MET: variants seen among roughly 807,000 people sequenced by gnomAD.
MET encodes MET proto-oncogene, receptor tyrosine kinase.
Under a neutral mutation model 133.1 loss-of-function variants are expected in MET, and 48 were observed. The ratio of observed to expected loss-of-function variants is 0.36; its 90% CI spans 0.29 to 0.46. The LOEUF is 0.46. MET is among the 20% of genes least tolerant of loss of function. The probability of loss-of-function intolerance (pLI) is 1.00; values close to 1 mark genes in which losing one functional copy is unlikely to be tolerated. For synonymous variants in MET, 628 were observed against 616.5 expected (o/e 1.02, Z -0.28); for missense variants, 1,442 against 1,695.9 (o/e 0.85, Z 2.63).
At chr7:116,717,677 T>C (rs1340647558) in intron 2 of MET, among the ~76,000 whole-genome samples, 1 of 152,216 alleles carries the variant, frequency 6.6e-6, no homozygotes, top group East Asian at 1.9e-4. Context: ...TACAAGATAG[T>C]ACATTTTTAA....
chr7:116,694,518 G>A (rs1361918117), intron 1 of MET, among the ~76,000 whole-genome samples: 2 of 151,982 alleles, frequency 1.3e-5, no homozygotes, highest in African/African-American at 4.8e-5. Context: ...CTTCCCCACT[G>A]ATTTTCCATT....
chr7:116,719,963 G>T (rs2116705707), intron 2 of MET, among the ~76,000 whole-genome samples: 1 of 152,112 alleles, frequency 6.6e-6, no homozygotes, highest in South Asian at 2.1e-4. Context: ...GGATTGACTT[G>T]GCGATGCGGG....
Position 116,696,047 on chromosome 7 carries a change from G to T in MET, c.-14-3024G>T, listed in dbSNP as rs111616529. On this transcript the variant is annotated intron_variant, in intron 1 of 20. Coordinates refer to ENST00000397752, the MANE Select transcript of MET (RefSeq NM_000245.4). ...GTCACCACACCCAGCTAATTTTTTTGTAGTAGAGATGGGGGTTCACAGTGT... is the reference window on the plus strand; with the variant it reads ...GTCACCACACCCAGCTAATTTTTTTTTAGTAGAGATGGGGGTTCACAGTGT... 3.0e-3 allele frequency among the ~76,000 whole-genome samples: 451 copies of T among 152,000 alleles called. 3 individuals carry two copies. Among genetic ancestry groups the T allele is most frequent in the African/African-American group, 0.01 (433 of 41,464 alleles).
At chr7:116,721,373 CTCTTT>C in intron 2 of MET, among the ~76,000 whole-genome samples, 1 of 152,168 alleles carries the variant, frequency 6.6e-6, no homozygotes, top group Admixed American at 6.5e-5. Flanking sequence ...TGATTCTTCT[CTCTTT>C]TCTTCTTTAT....
intron 17 of MET, among the ~76,000 whole-genome samples, chr7:116,780,206 A>AC (rs745538300): frequency 1.3e-5 from 2 of 152,046 alleles, no homozygotes; most frequent in Non-Finnish European, 2.9e-5. Context: ...CCAGGCCAGG[A>AC]CCAGGGAGGG....
Position 116,759,509 on chromosome 7 carries a change from G to A in MET, c.2364+19G>A, listed in dbSNP as rs765711111. On this transcript the variant is annotated intron_variant, in intron 10 of 20. Transcript: ENST00000397752. ...TACAGTGGTAAGTCCTTTGAGCAAT[G>A]GTTCTACTCAGAGCTCTGCATCTTT... 6.2e-7 allele frequency: 1 copy of A among 1,609,108 alleles called. No individual in the cohort carries two copies. The highest frequency in any genetic ancestry group is 2.2e-5 in the East Asian group (1 of 44,792).
At position 116,740,034 on chromosome 7, in the gene MET, G is replaced by C. The variant is rs965319455; in HGVS notation, c.1477G>C (p.Glu493Gln). The part of the protein sequence containing the change: ...SHPVSPEVIV[E>Q]HTLNQNGYTL... ...TCCAGTGTCTCCAGAAGTGATTGTGGAGCATACATTAAACCAAAATGGCTA... is the reference window on the plus strand; with the variant it reads ...TCCAGTGTCTCCAGAAGTGATTGTGCAGCATACATTAAACCAAAATGGCTA... Residue 493 changes from glutamate to glutamine, a missense_variant, in exon 4 of 21, where the codon GAG becomes CAG. Physicochemically the swap from Glu to Gln is conservative, Grantham distance 29. Coordinates refer to ENST00000397752, the MANE Select transcript of MET (RefSeq NM_000245.4). The C allele has an allele frequency of 1.4e-5, 23 of 1,614,112 alleles. No homozygotes were observed. The Middle Eastern group carries it at 1.3e-3, about 93-fold the overall frequency.
In MET at chr7:116,699,364, G is replaced by A. The variant is rs899151863; in HGVS notation, c.280G>A (p.Asp94Asn). The change falls in exon 2 of 21, where the codon GAT (aspartate) becomes AAT (asparagine). Residue 94 changes from aspartate to asparagine, a missense_variant. Physicochemically the swap from Asp to Asn is conservative, Grantham distance 23 (BLOSUM62 1). Around this residue, in one of 6 missense-constraint regions of MET, gnomAD observed 762 missense variants for 792.4 expected, o/e 0.96. Transcript: ENST00000397752. Reference protein sequence around the residue: ...YKTGPVLEHPDCFPCQDCSSK... With the variant: ...YKTGPVLEHPNCFPCQDCSSK... ...GACTGGGCCTGTGCTGGAACACCCA[G>A]ATTGTTTCCCATGTCAGGACTGCAG... 1.2e-6 allele frequency: 2 copies of A among 1,614,032 alleles called. No homozygotes were observed. Among genetic ancestry groups the A allele is most frequent in the Non-Finnish European group, 1.7e-6 (2 of 1,179,954 alleles).
intron 2 of MET, among the ~76,000 whole-genome samples, chr7:116,709,603 G>A (rs182950182): frequency 7.6e-4 from 115 of 152,178 alleles, no homozygotes; most frequent in Non-Finnish European, 1.1e-3. Flanking sequence ...CAAGGGAATA[G>A]GAGGCTTCAG....
intron 1 of MET, among the ~76,000 whole-genome samples, chr7:116,683,093 T>A (rs1796421841): frequency 6.6e-6 from 1 of 152,206 alleles, no homozygotes; most frequent in Non-Finnish European, 1.5e-5. Flanking sequence ...AATTATATTT[T>A]AGGCTCAGTG....
intron 3 of MET, among the ~76,000 whole-genome samples, chr7:116,736,048 G>A (rs1562906302): frequency 2.0e-5 from 3 of 152,006 alleles, no homozygotes; most frequent in Admixed American, 2.0e-4. Flanking sequence ...AAAGTGCTGG[G>A]ATTACAGGTA....
At chr7:116,791,191 A>G (rs988237974) in intron 19 of MET, among the ~76,000 whole-genome samples, 18 of 152,186 alleles carry the variant, frequency 1.2e-4, no homozygotes, top group Admixed American at 5.9e-4. Flanking sequence ...CGTAATTTTT[A>G]TTTCTCTTGG....
intron 1 of MET, among the ~76,000 whole-genome samples, chr7:116,688,818 AG>A (rs1042512220): frequency 2.5e-4 from 38 of 152,220 alleles, no homozygotes; most frequent in Non-Finnish European, 1.0e-4. Context: ...TTATGCTAAC[AG>A]GCAGCCATTT....
At position 116,724,189 on chromosome 7, in the gene MET, G is replaced by A. The variant is rs528320542; in HGVS notation, c.1201-7479G>A. 8.2e-4 allele frequency: 137 copies of A among 166,582 alleles called. 1 individual carries two copies. Among genetic ancestry groups the A allele is most frequent in the African/African-American group, 2.7e-3 (113 of 41,754 alleles). The allele number at this position is 166,582 out of a possible 1,614,324, so 10.3% of individuals were successfully genotyped here. A position where few individuals can be genotyped will look rare whatever the true frequency, so the allele number is the denominator to read the frequency against. On this transcript the variant is annotated intron_variant, in intron 2 of 20. Coordinates refer to ENST00000397752, the MANE Select transcript of MET (RefSeq NM_000245.4). Reference sequence around the variant, plus strand: ...GGTGAGGGATATAATCTCGTGGTGCGCCGTTTTTTAAGCCGGTCCGAAAAG... The same window carrying A: ...GGTGAGGGATATAATCTCGTGGTGCACCGTTTTTTAAGCCGGTCCGAAAAG...
intron 1 of MET, among the ~76,000 whole-genome samples, chr7:116,694,307 A>G (rs956716543): frequency 2.6e-5 from 4 of 152,218 alleles, no homozygotes; most frequent in Admixed American, 6.5e-5. Flanking sequence ...CCTCTAGTTT[A>G]ATTAAAATTT....
chr7:116,746,337 G>A (rs1331010047), intron 5 of MET, among the ~76,000 whole-genome samples: 2 of 152,234 alleles, frequency 1.3e-5, no homozygotes, highest in Admixed American at 6.5e-5. Context: ...TGATGGGACT[G>A]TAAACTAGTT....
chr7:116,688,476 A>C (rs1222669382), intron 1 of MET, among the ~76,000 whole-genome samples: 1 of 152,222 alleles, frequency 6.6e-6, no homozygotes, highest in Non-Finnish European at 1.5e-5. Flanking sequence ...AGGGCAATGA[A>C]ACATTTTTGT....
At chr7:116,698,222 G>A (rs1443296924) in intron 1 of MET, among the ~76,000 whole-genome samples, 1 of 152,146 alleles carries the variant, frequency 6.6e-6, no homozygotes, top group East Asian at 1.9e-4. Context: ...CTGAATAACA[G>A]GCCCATTCAT....
At chr7:116,719,440 G>A (rs1453820430) in intron 2 of MET, among the ~76,000 whole-genome samples, 2 of 152,124 alleles carry the variant, frequency 1.3e-5, no homozygotes, top group African/African-American at 2.4e-5. Flanking sequence ...TTTGTAGGTT[G>A]CCTATTCACT....
Sources: allele counts gnomAD v4.1 joint callset (sites outside exome capture counted in the v4.1 genomes callset), GRCh38; gene constraint gnomAD v4.1.1; regional missense constraint gnomAD v4.1.1; transcripts MANE v1.5; gene names NCBI Gene and HGNC (gene_info 2026-07-23, HGNC 2026-07-21).